FRMPD4: variants seen among roughly 807,000 people sequenced by gnomAD.
The protein encoded by FRMPD4 is FERM and PDZ domain containing 4, also known as FERM and PDZ domain-containing protein 4.
FRMPD4 carries 22 observed loss-of-function variants against 94.1 expected under a neutral mutation model. The observed-to-expected ratio is 0.23, with a 90% confidence interval of 0.17 to 0.33. FRMPD4 has a LOEUF of 0.33. FRMPD4 is among the 10% of genes least tolerant of loss of function. The pLI, the probability that FRMPD4 is intolerant of heterozygous loss-of-function variation, is 1.00. For missense variants in FRMPD4, 1,111 were observed against 1,339.9 expected, an observed-to-expected ratio of 0.83 and a Z score of 2.67; for synonymous variants, 631 against 548.6, an observed-to-expected ratio of 1.15 and a Z score of -2.10.
chrX:12,423,887 T>A (rs994867588), intron 1 of FRMPD4, among the ~76,000 whole-genome samples: 1 of 111,838 alleles, frequency 8.9e-6, no homozygotes, highest in Non-Finnish European at 1.9e-5. Flanking sequence ...ACTGGATGGC[T>A]TAGGCTTGTC....
At chrX:12,390,481 C>T (rs1251130537) in intron 1 of FRMPD4, among the ~76,000 whole-genome samples, 2 of 111,660 alleles carry the variant, frequency 1.8e-5, no homozygotes, top group Non-Finnish European at 3.8e-5. Context: ...CTCCAGAATG[C>T]CTGATGTACT....
At chrX:11,847,359 A>AAT (rs2053584019) in intron 1 of FRMPD4, among the ~76,000 whole-genome samples, 1 of 103,228 alleles carries the variant, frequency 9.7e-6, no homozygotes, top group Non-Finnish European at 2.0e-5. Context: ...TTAGAATGGC[A>AAT]ATCATTAAAA....
chrX:12,303,379 AATG>A (rs1201034669), intron 1 of FRMPD4, among the ~76,000 whole-genome samples: 1 of 112,164 alleles, frequency 8.9e-6, no homozygotes, highest in African/African-American at 3.2e-5. Context: ...CAGTTATAAT[AATG>A]ATGACCTTAA....
At chrX:12,575,947 G>A (rs1263137367) in intron 2 of FRMPD4, among the ~76,000 whole-genome samples, 2 of 112,143 alleles carry the variant, frequency 1.8e-5, no homozygotes, top group East Asian at 2.8e-4. Flanking sequence ...TTCAGACTTC[G>A]GATAAATCTG....
intron 2 of FRMPD4, among the ~76,000 whole-genome samples, chrX:11,866,962 A>T (rs1278223893): frequency 9.0e-6 from 1 of 110,891 alleles, no homozygotes; most frequent in East Asian, 2.8e-4. Flanking sequence ...TTCTCTTTGG[A>T]TCTGATTGTA....
intron 1 of FRMPD4, among the ~76,000 whole-genome samples, chrX:12,479,260 T>A (rs1379420651): frequency 2.8e-5 from 3 of 107,149 alleles, no homozygotes; most frequent in Non-Finnish European, 5.8e-5. Context: ...TTGGTAAAAA[T>A]TAAGGATGAG....
intron 1 of FRMPD4, among the ~76,000 whole-genome samples, chrX:12,325,176 T>A (rs866465402): frequency 6.2e-5 from 7 of 112,655 alleles, no homozygotes; most frequent in South Asian, 7.3e-4. Context: ...TGTATTAGAC[T>A]CATGTGTAAT....
At chrX:12,567,185 A>G (rs2012222033) in intron 2 of FRMPD4, among the ~76,000 whole-genome samples, 3 of 112,083 alleles carry the variant, frequency 2.7e-5, no homozygotes, top group Admixed American at 9.5e-5. Flanking sequence ...AATTATTGTA[A>G]TAAATACCTG....
chrX:12,576,161 GCT>G (rs2058810387), intron 2 of FRMPD4, among the ~76,000 whole-genome samples: 1 of 112,002 alleles, frequency 8.9e-6, no homozygotes, highest in African/African-American at 3.2e-5. Context: ...GATCGCCAAA[GCT>G]CTTTGTATAT....
At chrX:12,483,902 A>T (rs190029194) in intron 1 of FRMPD4, among the ~76,000 whole-genome samples, 1 of 111,978 alleles carries the variant, frequency 8.9e-6, no homozygotes, top group African/African-American at 3.2e-5. Context: ...AGACAATGCT[A>T]TATCCCTAAG....
At chrX:11,987,379 A>C (rs754406778) in intron 3 of FRMPD4, among the ~76,000 whole-genome samples, 1 of 111,277 alleles carries the variant, frequency 9.0e-6, no homozygotes, top group Non-Finnish European at 1.9e-5. Flanking sequence ...ATTGCTTCAC[A>C]ATAAAAGCCC....
chrX:11,836,564 G>A (rs1335336700), intron 1 of FRMPD4, among the ~76,000 whole-genome samples: 1 of 111,473 alleles, frequency 9.0e-6, no homozygotes, highest in Non-Finnish European at 1.9e-5. Flanking sequence ...AGAGGAGGCA[G>A]GGCTTCAGAG....
intron 5 of FRMPD4, among the ~76,000 whole-genome samples, chrX:12,678,764 G>T (rs969691659): frequency 2.7e-5 from 3 of 112,275 alleles, no homozygotes; most frequent in African/African-American, 9.7e-5. Flanking sequence ...GGCAGAGGTT[G>T]CAGTGAGCCA....
At chrX:12,171,444 T>C (rs766772491) in intron 1 of FRMPD4, among the ~76,000 whole-genome samples, 20 of 112,292 alleles carry the variant, frequency 1.8e-4, no homozygotes, top group Non-Finnish European at 3.8e-4. Context: ...CTGGAGGCCT[T>C]TTTTAAAGAG....
chrX:12,481,241 A>T (rs2057676647), intron 1 of FRMPD4, among the ~76,000 whole-genome samples: 1 of 110,765 alleles, frequency 9.0e-6, no homozygotes, highest in African/African-American at 3.3e-5. Flanking sequence ...CAGGATTCAT[A>T]GCCACCACTC....
chrX:11,884,144 C>A (rs1456842629), intron 3 of FRMPD4, among the ~76,000 whole-genome samples: 3 of 70,111 alleles, frequency 4.3e-5, no homozygotes, highest in Non-Finnish European at 8.7e-5. Flanking sequence ...TAACCTTGTC[C>A]TCTGCTCATA....
intron 1 of FRMPD4, among the ~76,000 whole-genome samples, chrX:12,192,519 G>A (rs2147696379): frequency 8.9e-6 from 1 of 111,817 alleles, no homozygotes; most frequent in South Asian, 3.8e-4. Flanking sequence ...GAAGGGTTTT[G>A]TGAGCTTTGC....
intron 4 of FRMPD4, among the ~76,000 whole-genome samples, chrX:12,669,973 C>T (rs2059822252): frequency 8.9e-6 from 1 of 112,354 alleles, no homozygotes. Flanking sequence ...AATACAGGGT[C>T]TATGCTTATT....
At chrX:12,238,007 T>C (rs2057089659) in intron 1 of FRMPD4, among the ~76,000 whole-genome samples, 1 of 112,651 alleles carries the variant, frequency 8.9e-6, no homozygotes, top group South Asian at 3.7e-4. Context: ...CACTCATGTA[T>C]GCATTGCCTG....
Sources: gnomAD v4.1 joint callset for allele counts (sites outside exome capture counted in the v4.1 genomes callset) on GRCh38, gnomAD v4.1.1 for gene constraint, MANE v1.5 for transcripts, NCBI Gene and HGNC (gene_info 2026-07-23, HGNC 2026-07-21) for gene names.